ATRX: variants seen among roughly 807,000 people sequenced by gnomAD.
ATRX encodes chromatin remodeler ATRX.
Under a neutral mutation model 172.6 loss-of-function variants are expected in ATRX, and 12 were observed. The ratio of observed to expected loss-of-function variants is 0.07; its 90% CI spans 0.04 to 0.11. The LOEUF is 0.11. Among genes scored for constraint, ATRX ranks in the 10% least tolerant of loss-of-function variants. The pLI is 1.00. For missense variants in ATRX, 1,368 were observed against 1,767.4 expected, an observed-to-expected ratio of 0.77 and a Z score of 4.05; for synonymous variants, 674 against 594.7, an observed-to-expected ratio of 1.13 and a Z score of -1.94.
chrX:77,714,342 C>G (rs947980024), intron 2 of ATRX, among the ~76,000 whole-genome samples: 1 of 111,566 alleles, frequency 9.0e-6, no homozygotes, highest in Non-Finnish European at 1.9e-5. Flanking sequence ...GCAAGGCCCA[C>G]CGGACTCCGA....
chrX:77,616,078 A>G, intron 22 of ATRX: 1 of 753,482 alleles, frequency 1.3e-6, no homozygotes. Flanking sequence ...TATTATTTTA[A>G]AGCATAGAAA....
At chrX:77,661,232 A>T (rs782100427) in intron 12 of ATRX, among the ~76,000 whole-genome samples, 1 of 112,221 alleles carries the variant, frequency 8.9e-6, no homozygotes, top group South Asian at 3.7e-4. Flanking sequence ...ATACATTTCA[A>T]ATAAAACATT....
chrX:77,582,008 A>G (rs781921616), intron 27 of ATRX, among the ~76,000 whole-genome samples: 2 of 112,466 alleles, frequency 1.8e-5, no homozygotes, highest in South Asian at 3.7e-4. Context: ...ACCAAAAAAC[A>G]TAAGACACAG....
chrX:77,741,502 C>G (rs1364582649), intron 1 of ATRX, among the ~76,000 whole-genome samples: 1 of 110,554 alleles, frequency 9.0e-6, no homozygotes, highest in Admixed American at 9.7e-5. Flanking sequence ...TGCGCTCTCG[C>G]CCAGGTTCTA....
chrX:77,735,056 C>A (rs1557178166), intron 1 of ATRX, among the ~76,000 whole-genome samples: 1 of 110,380 alleles, frequency 9.1e-6, no homozygotes. Context: ...CACACCACTG[C>A]ACTCCAGCCT....
chrX:77,660,777 C>T (rs1317234470), intron 12 of ATRX, among the ~76,000 whole-genome samples: 1 of 110,548 alleles, frequency 9.0e-6, no homozygotes, highest in East Asian at 2.8e-4. Context: ...GTTTAGGATT[C>T]CAAGACTATG....
chrX:77,629,473 G>C (rs1260115891), intron 19 of ATRX, among the ~76,000 whole-genome samples: 1 of 111,641 alleles, frequency 9.0e-6, no homozygotes, highest in Non-Finnish European at 1.9e-5. Flanking sequence ...ATACATGATG[G>C]ATATTAGAAT....
chrX:77,553,275 T>C (rs929010884), intron 30 of ATRX, among the ~76,000 whole-genome samples: 4 of 111,701 alleles, frequency 3.6e-5, no homozygotes, highest in Non-Finnish European at 7.5e-5. Context: ...TTATGCCCAG[T>C]ACTTCTCTGT....
chrX:77,579,549 A>G (rs1269164456), intron 27 of ATRX, among the ~76,000 whole-genome samples: 1 of 111,626 alleles, frequency 9.0e-6, no homozygotes, highest in Non-Finnish European at 1.9e-5. Context: ...GACCACCAAA[A>G]TGGTACCTCT....
intron 1 of ATRX, among the ~76,000 whole-genome samples, chrX:77,748,681 G>T (rs1436668657): frequency 9.2e-6 from 1 of 108,740 alleles, no homozygotes; most frequent in African/African-American, 3.4e-5. Context: ...CCGCCTCCTG[G>T]GTTCAAGTGA....
At position 77,633,675 on chromosome X, in the gene ATRX, T is replaced by C. The variant is rs782819703; in HGVS notation, c.4847A>G (p.Lys1616Arg). The change falls in exon 18 of 35, where the codon AAA (lysine) becomes AGA (arginine). Residue 1616 changes from lysine to arginine, a missense_variant. By Grantham distance (26) the Lys-to-Arg change is conservative. Around this residue, in one of 17 missense-constraint regions of ATRX, gnomAD observed 17 missense variants for 22.8 expected, o/e 0.75. Coordinates refer to ENST00000373344, the MANE Select transcript of ATRX (RefSeq NM_000489.6). ...CACTAACGCCGTGCTGAAATCCAGT[T>C]TGTCACACAAAAGAACTGTATGAAG... ...SFLHTVLLCD[K>R]LDFSTALVVC... 1 of 1,210,633 alleles carries C rather than the reference T, an allele frequency of 8.3e-7. No individual in the cohort carries two copies. Among genetic ancestry groups the C allele is most frequent in the East Asian group, 3.0e-5 (1 of 33,826 alleles).
At chrX:77,675,222 A>T (rs1210599597) in intron 10 of ATRX, 1 of 112,196 alleles carries the variant, frequency 8.9e-6, no homozygotes, top group African/African-American at 3.2e-5. Context: ...ATGAATGGTT[A>T]ATGTAGTGCT....
intron 2 of ATRX, among the ~76,000 whole-genome samples, chrX:77,710,887 T>C (rs1177825360): frequency 9.2e-6 from 1 of 108,318 alleles, no homozygotes; most frequent in Non-Finnish European, 1.9e-5. Context: ...ACTGTGGTGG[T>C]AGATGCATGA....
At chrX:77,541,329 G>T (rs2063985234) in intron 30 of ATRX, among the ~76,000 whole-genome samples, 1 of 111,929 alleles carries the variant, frequency 8.9e-6, no homozygotes, top group East Asian at 2.8e-4. Context: ...GTAATTAATA[G>T]CCCACAAACA....
intron 28 of ATRX, among the ~76,000 whole-genome samples, chrX:77,564,519 G>A (rs1472139298): frequency 9.0e-6 from 1 of 110,506 alleles, no homozygotes; most frequent in African/African-American, 3.3e-5. Context: ...CCAAGTAGCT[G>A]GGACTCCAGA....
chrX:77,696,635 A>G lies in ATRX; in HGVS notation c.312T>C (p.Asn104=). ...DEKPLDDETV[N]EDASNENSEN... ...CTGAATTTTCATTAGACGCATCTTCATTTACAGTTTCATCATCCAAAGGTT... is the reference window on the plus strand; with the variant it reads ...CTGAATTTTCATTAGACGCATCTTCGTTTACAGTTTCATCATCCAAAGGTT... The change falls in exon 5 of 35, where the codon AAT becomes AAC. Residue 104 remains asparagine (N), a synonymous_variant. Coordinates refer to ENST00000373344, the MANE Select transcript of ATRX (RefSeq NM_000489.6). 8.3e-7 allele frequency: 1 copy of G among 1,201,214 alleles called. No homozygotes were observed. Among genetic ancestry groups the G allele is most frequent in the South Asian group, 1.8e-5 (1 of 56,671 alleles).
intron 25 of ATRX, chrX:77,595,299 C>T (rs1442149582): frequency 9.0e-6 from 1 of 111,133 alleles, no homozygotes; most frequent in Non-Finnish European, 1.9e-5. Flanking sequence ...TTCTGGGTAG[C>T]CTTGGTTAAG....
chrX:77,590,331 C>A (rs1557079520), intron 26 of ATRX, among the ~76,000 whole-genome samples: 3 of 110,936 alleles, frequency 2.7e-5, no homozygotes, highest in African/African-American at 9.8e-5. Context: ...GTCTTGGTAG[C>A]CGGGCGCAGT....
At position 77,617,663 on chromosome X, in the gene ATRX, A is replaced by T. The variant is rs191449384; in HGVS notation, c.5449-933T>A. On this transcript the variant is annotated intron_variant, in intron 21 of 34. Coordinates refer to ENST00000373344, the MANE Select transcript of ATRX (RefSeq NM_000489.6). ...ATTGTTTAGGAAATAATGACAAGAA[A>T]AAAGTCTGTACATGTTCAGTACAGA... Among the ~76,000 whole-genome samples, 905 of 111,710 alleles carry T rather than the reference A, an allele frequency of 8.1e-3. 13 individuals are homozygous for T. Among genetic ancestry groups the T allele is most frequent in the African/African-American group, 0.028 (866 of 30,735 alleles).
Sources: gnomAD v4.1 joint callset for allele counts (sites outside exome capture counted in the v4.1 genomes callset) on GRCh38, gnomAD v4.1.1 for gene constraint, gnomAD v4.1.1 regional missense constraint, MANE v1.5 for transcripts, NCBI Gene and HGNC (gene_info 2026-07-23, HGNC 2026-07-21) for gene names.